Variants in BTAF1 observed in about 807,000 individuals in gnomAD.
The protein encoded by BTAF1 is TATA-binding protein-associated factor 172.
BTAF1 carries 38 observed loss-of-function variants against 227.1 expected under a neutral mutation model. The observed-to-expected ratio is 0.17, with a 90% CI of 0.13 to 0.22. The LOEUF (loss-of-function observed/expected upper bound fraction) is 0.22. Ranked by LOEUF, BTAF1 falls within the 10% of genes least tolerant of loss-of-function variation. The pLI is 1.00. For missense variants in BTAF1, 1,598 were observed against 2,204.0 expected, an observed-to-expected ratio of 0.73 and a Z score of 5.51; for synonymous variants, 742 against 751.9, an observed-to-expected ratio of 0.99 and a Z score of 0.21.
At chr10:91,937,883 C>T (rs1317729348) in intron 2 of BTAF1, among the ~76,000 whole-genome samples, 2 of 152,150 alleles carry the variant, frequency 1.3e-5, no homozygotes, top group African/African-American at 2.4e-5. Flanking sequence ...CCATTATTTA[C>T]GTTTTCAACA....
intron 34 of BTAF1, 54 bp from the exon 35 acceptor site, chr10:92,024,702 A>T: frequency 7.2e-7 from 1 of 1,387,084 alleles, no homozygotes; most frequent in Non-Finnish European, 9.9e-7. Context: ...CAGTGAGATT[A>T]GTTTTCTGCT....
At chr10:91,964,010 C>A (rs1846710619) in intron 12 of BTAF1, 67 bp from the exon 13 acceptor site, 2 of 1,565,590 alleles carry the variant, frequency 1.3e-6, no homozygotes, top group African/African-American at 2.7e-5. Context: ...CCCTGGGATA[C>A]CATTTGGCAG....
At chr10:91,979,759 A>G (rs1847945370) in intron 14 of BTAF1, among the ~76,000 whole-genome samples, 1 of 152,148 alleles carries the variant, frequency 6.6e-6, no homozygotes, top group South Asian at 2.1e-4. Context: ...TTGGTGAAGC[A>G]CTATTTGGTT....
At chr10:92,002,363 C>G (rs1333382057) in intron 25 of BTAF1, among the ~76,000 whole-genome samples, 1 of 152,146 alleles carries the variant, frequency 6.6e-6, no homozygotes, top group Admixed American at 6.5e-5. Context: ...CTCTAATTCC[C>G]TGCACTGTTA....
intron 5 of BTAF1, among the ~76,000 whole-genome samples, chr10:91,951,868 G>A (rs1845786962): frequency 1.3e-5 from 2 of 151,978 alleles, no homozygotes; most frequent in South Asian, 4.2e-4. Context: ...TTTGATGTAG[G>A]GAAAAGTAAT....
At chr10:91,987,265 T>C (rs1473060974) in intron 19 of BTAF1, among the ~76,000 whole-genome samples, 2 of 152,120 alleles carry the variant, frequency 1.3e-5, no homozygotes, top group African/African-American at 2.4e-5. Flanking sequence ...GGGTGGATCA[T>C]GAGGTCAGGA....
chr10:91,939,952 G>T lies in BTAF1; in HGVS notation c.139G>T (p.Val47Leu). The T allele has an allele frequency of 6.3e-7, 1 of 1,593,146 alleles. No individual in the cohort carries two copies. Among genetic ancestry groups the T allele is most frequent in the Non-Finnish European group, 8.6e-7 (1 of 1,162,864 alleles). ...TAACTTTTATTTTATAATTTTTAAG[G>T]TGTTGATATATTTAAGGAGTGCAAA... ...PHELNNLLSK[V>L]LIYLRSANWD... The change falls in exon 3 of 38, where the codon GTG becomes TTG. Residue 47 changes from valine (V) to leucine (L), a missense_variant and splice_region_variant. This residue lies in a region of BTAF1 where 298 missense variants were observed against 395.2 expected (regional missense o/e 0.75). Transcript: ENST00000265990.
intron 25 of BTAF1, among the ~76,000 whole-genome samples, chr10:92,002,436 A>G (rs1020911454): frequency 6.6e-6 from 1 of 152,208 alleles, no homozygotes; most frequent in African/African-American, 2.4e-5. Flanking sequence ...GGTTGCTGGC[A>G]CTGAAACAAT....
chr10:91,991,271 A>ATATATATATATATATATATATATATATAT lies in BTAF1; in HGVS notation c.2855-848_2855-847insTATATATATATATATATATATATATATAT, dbSNP rs1564699914. 1.3e-3 allele frequency among the ~76,000 whole-genome samples: 88 copies of ATATATATATATATATATATATATATATAT among 66,028 alleles called. 3 individuals are homozygous for ATATATATATATATATATATATATATATAT. The highest frequency in any genetic ancestry group is 3.3e-3 in the Admixed American group (15 of 4,582). The allele number at this position is 66,028 out of a possible 152,430, so 43.3% of individuals were successfully genotyped here. A position where few individuals can be genotyped will look rare whatever the true frequency, so the allele number is the denominator to read the frequency against. On this transcript the variant is annotated intron_variant, in intron 20 of 37. Coordinates refer to ENST00000265990, the MANE Select transcript of BTAF1 (RefSeq NM_003972.3). ...AAAAAAATATATAAATATAAATATA[A>ATATATATATATATATATATATATATATAT]ATATATATATATATATATATAAATT... is the stretch of plus-strand genomic sequence containing the variant.
At chr10:91,988,273 G>A (rs1166994509) in intron 19 of BTAF1, among the ~76,000 whole-genome samples, 1 of 152,048 alleles carries the variant, frequency 6.6e-6, no homozygotes, top group Admixed American at 6.6e-5. Flanking sequence ...ATAAATATTG[G>A]TTGAATGATT....
At chr10:92,009,281 T>C in intron 28 of BTAF1, 73 bp downstream of exon 28, 1 of 1,467,768 alleles carries the variant, frequency 6.8e-7, no homozygotes, top group Non-Finnish European at 9.3e-7. Context: ...TAACATTTAT[T>C]AAAGTGAATT....
At position 92,013,981 on chromosome 10, in the gene BTAF1, T is replaced by G. The variant is rs1850536217; in HGVS notation, c.4536T>G (p.Leu1512=). 6.2e-7 allele frequency: 1 copy of G among 1,613,696 alleles called. No homozygotes were observed. The highest frequency in any genetic ancestry group is 1.1e-5 in the South Asian group (1 of 91,068). ...RRMKEDVLQD[L]PPKIIQDYYC... ...TGAAAGAAGATGTTTTGCAGGATCT[T>G]CCACCTAAAATTATTCAAGACTATT... is the stretch of plus-strand genomic sequence containing the variant. Residue 1512 remains leucine (L), a synonymous_variant, in exon 32 of 38, where the codon CTT becomes CTG. Coordinates refer to ENST00000265990, the MANE Select transcript of BTAF1 (RefSeq NM_003972.3).
intron 20 of BTAF1, among the ~76,000 whole-genome samples, chr10:91,991,832 T>TATATATATATATATATAC (rs1466556430): frequency 8.9e-4 from 10 of 11,278 alleles, no homozygotes; most frequent in African/African-American, 1.3e-3. Context: ...TATATATATA[T>TATATATATATATATATAC]ACACACATAT....
chr10:91,932,973 G>A (rs1324973106), intron 1 of BTAF1, among the ~76,000 whole-genome samples: 1 of 152,126 alleles, frequency 6.6e-6, no homozygotes, highest in Non-Finnish European at 1.5e-5. Flanking sequence ...TCTCACACAT[G>A]GGGCCATTAT....
intron 14 of BTAF1, among the ~76,000 whole-genome samples, chr10:91,972,233 C>T (rs895417201): frequency 6.6e-6 from 1 of 152,150 alleles, no homozygotes; most frequent in African/African-American, 2.4e-5. Context: ...TGGCTCTTGT[C>T]AACATTTTCC....
At chr10:91,953,688 C>T in intron 5 of BTAF1, 49 bp from the exon 6 acceptor site, 2 of 1,591,442 alleles carry the variant, frequency 1.3e-6, no homozygotes. Context: ...ACTATAGGTA[C>T]TTATTTTAAT....
At chr10:91,924,241 G>A in intron 1 of BTAF1, 151 bp downstream of exon 1, 1 of 1,102,796 alleles carries the variant, frequency 9.1e-7, no homozygotes, top group Non-Finnish European at 1.3e-6. Flanking sequence ...CCCGTGGTCG[G>A]CGGGGGTTTG....
intron 1 of BTAF1, among the ~76,000 whole-genome samples, chr10:91,934,533 G>C (rs549593653): frequency 4.6e-5 from 7 of 152,116 alleles, no homozygotes; most frequent in Non-Finnish European, 1.0e-4. Context: ...ACGCCCAGCT[G>C]AGTTTCCTCC....
chr10:91,951,503 A>C lies in BTAF1; in HGVS notation c.501A>C (p.Glu167Asp). 2.5e-6 allele frequency: 4 copies of C among 1,611,522 alleles called. No homozygotes were observed. The highest frequency in any genetic ancestry group is 3.4e-6 in the Non-Finnish European group (4 of 1,179,110). Residue 167 changes from glutamate to aspartate, a missense_variant, in exon 5 of 38, where the codon GAA (glutamate) becomes GAC (aspartate). Physicochemically the swap from Glu to Asp is conservative, Grantham distance 45. Coordinates refer to ENST00000265990, the MANE Select transcript of BTAF1 (RefSeq NM_003972.3). The stretch of plus-strand genomic sequence containing the variant: ...AAGCAATTGGAATGAGTACTGAAGA[A>C]CTTTTCAATGATGAGGATTTGGATT... ...MGEAIGMSTE[E>D]LFNDEDLDYT...
Sources: gnomAD v4.1 joint callset for allele counts (sites outside exome capture counted in the v4.1 genomes callset) on GRCh38, gnomAD v4.1.1 for gene constraint, gnomAD v4.1.1 regional missense constraint, MANE v1.5 for transcripts, NCBI Gene and HGNC (gene_info 2026-07-23, HGNC 2026-07-21) for gene names.